TTC34: variants seen among roughly 807,000 people sequenced by gnomAD.
The protein encoded by TTC34 is tetratricopeptide repeat protein 34.
TTC34 carries 44 observed loss-of-function variants against 40.7 expected under a neutral mutation model. That is an observed-to-expected ratio of 1.08 (90% CI 0.85 to 1.39). The LOEUF (loss-of-function observed/expected upper bound fraction) is 1.39. Among genes scored for constraint, TTC34 ranks in the 40% most tolerant of loss-of-function variants. The probability of loss-of-function intolerance (pLI) is 0.00; values close to 1 mark genes in which losing one functional copy is unlikely to be tolerated. For missense variants in TTC34, 884 were observed against 838.0 expected, an observed-to-expected ratio of 1.05 and a Z score of -0.68; for synonymous variants, 422 against 398.6, an observed-to-expected ratio of 1.06 and a Z score of -0.70.
chr1:2,684,717 C>A (rs1286790661), intron 6 of TTC34, among the ~76,000 whole-genome samples: 8 of 110,850 alleles, frequency 7.2e-5, no homozygotes, highest in African/African-American at 1.8e-4. Flanking sequence ...GCAACCACAC[C>A]CCCAGGCGAG....
intron 6 of TTC34, among the ~76,000 whole-genome samples, chr1:2,771,511 G>A (rs1569785846): frequency 2.7e-5 from 2 of 74,934 alleles, no homozygotes; most frequent in East Asian, 4.4e-4. Flanking sequence ...ACAGCCTGGA[G>A]TAGCACGCAC....
chr1:2,749,607 C>G, intron 6 of TTC34, among the ~76,000 whole-genome samples: 1 of 95,850 alleles, frequency 1.0e-5, no homozygotes, highest in African/African-American at 5.5e-5. Flanking sequence ...CCCACACCCC[C>G]AGGTGTGCAT....
intron 6 of TTC34, among the ~76,000 whole-genome samples, chr1:2,751,290 C>T (rs1216376671): frequency 3.3e-5 from 2 of 60,700 alleles, no homozygotes; most frequent in South Asian, 6.1e-4. Flanking sequence ...CCCACACACC[C>T]AGGTGAGCAT....
At chr1:2,750,072 G>A (rs1641265484) in intron 6 of TTC34, among the ~76,000 whole-genome samples, 17 of 79,324 alleles carry the variant, frequency 2.1e-4, no homozygotes, top group East Asian at 5.2e-4. Context: ...ACAGCCTGGA[G>A]CAGCAGGCAC....
intron 6 of TTC34, among the ~76,000 whole-genome samples, chr1:2,772,985 C>T (rs1268560783): frequency 2.3e-3 from 37 of 16,072 alleles, no homozygotes; most frequent in Middle Eastern, 0.056. Flanking sequence ...CACCCCCAGG[C>T]GAGCATCTGA....
At chr1:2,641,942 A>T (rs901465820) in intron 8 of TTC34, 47 bp from the exon 9 acceptor site, 3 of 1,432,892 alleles carry the variant, frequency 2.1e-6, no homozygotes, top group Non-Finnish European at 2.7e-6. Flanking sequence ...GGTCAGCCCC[A>T]AAAGCCCGGC....
intron 6 of TTC34, among the ~76,000 whole-genome samples, chr1:2,699,859 A>G (rs1225303470): frequency 2.8e-3 from 73 of 26,138 alleles, no homozygotes; most frequent in South Asian, 5.8e-3. Context: ...ACACCCCTAG[A>G]TGAGCATCTG....
intron 6 of TTC34, among the ~76,000 whole-genome samples, chr1:2,687,117 C>A (rs560374996): frequency 2.9e-5 from 4 of 139,770 alleles, no homozygotes; most frequent in Non-Finnish European, 6.0e-5. Context: ...TGGAGTAGCA[C>A]CCCACACCCA....
exon 9 of TTC34, chr1:2,641,241 G>T: frequency 9.4e-7 from 1 of 1,062,630 alleles, no homozygotes; most frequent in Non-Finnish European, 1.3e-6. Flanking sequence ...GGGCTGGGAA[G>T]GGGGTGTGGA....
In TTC34 at chr1:2,688,467, A is replaced by T. The variant is rs1247940498; in HGVS notation, c.2227-42904T>A. 6.0e-5 allele frequency among the ~76,000 whole-genome samples: 8 copies of T among 133,940 alleles called. No homozygotes were observed. In the South Asian group the frequency reaches 1.9e-3, roughly 33 times the overall value. The allele number at this position is 133,940 out of a possible 152,430, so 87.9% of individuals were successfully genotyped here. Reference sequence around the variant, plus strand: ...ACCCACACCCCTAGGTGAACATCCGACATTGTGGAGCAGCACCCCACACCC... The same window carrying T: ...ACCCACACCCCTAGGTGAACATCCGTCATTGTGGAGCAGCACCCCACACCC... On this transcript the variant is annotated intron_variant, in intron 6 of 8. Coordinates refer to ENST00000401095, the Ensembl canonical transcript of TTC34.
intron 6 of TTC34, among the ~76,000 whole-genome samples, chr1:2,688,725 G>T (rs60041779): frequency 1.0e-4 from 3 of 28,850 alleles, no homozygotes; most frequent in African/African-American, 6.0e-4. Flanking sequence ...TGGAACAGCG[G>T]GCACACCCCC....
Position 2,778,648 on chromosome 1 carries a change from C to A in TTC34, c.2226+4961G>T, listed in dbSNP as rs950638278. Among the ~76,000 whole-genome samples the A allele has an allele frequency of 5.3e-5, 8 of 152,332 alleles. No individual in the cohort carries two copies. In the East Asian group the frequency reaches 1.5e-3, roughly 29 times the overall value. On this transcript the variant is annotated intron_variant, in intron 6 of 8. Transcript: ENST00000401095. ...GGGGGGAGACAGGCAGGGGAGGGGCCAGGCAACACCTGGGCATATCCCCAG... is the reference window on the plus strand; with the variant it reads ...GGGGGGAGACAGGCAGGGGAGGGGCAAGGCAACACCTGGGCATATCCCCAG...
intron 5 of TTC34, among the ~76,000 whole-genome samples, chr1:2,785,355 C>A (rs965811733): frequency 6.6e-6 from 1 of 151,932 alleles, no homozygotes; most frequent in Non-Finnish European, 1.5e-5. Context: ...AGACACCTGG[C>A]CCCCCAACCC....
intron 6 of TTC34, among the ~76,000 whole-genome samples, chr1:2,657,741 C>T (rs1294365030): frequency 3.0e-4 from 13 of 43,442 alleles, no homozygotes; most frequent in Middle Eastern, 0.014. Context: ...GCACCCACAC[C>T]CTCAGGTGAG....
intron 8 of TTC34, among the ~76,000 whole-genome samples, chr1:2,643,001 C>A (rs1001298056): frequency 2.0e-5 from 3 of 152,242 alleles, no homozygotes; most frequent in African/African-American, 7.2e-5. Flanking sequence ...GCACCTGACC[C>A]CGACCCGTAG....
intron 6 of TTC34, among the ~76,000 whole-genome samples, chr1:2,654,245 C>G (rs1570758359): frequency 0.015 from 1,628 of 107,948 alleles, no homozygotes; most frequent in East Asian, 0.043. Context: ...GAGCAGCACC[C>G]ACACCACCAG....
intron 6 of TTC34, among the ~76,000 whole-genome samples, chr1:2,751,318 AAC>A (rs1641311499): frequency 6.4e-5 from 4 of 62,896 alleles, no homozygotes; most frequent in Admixed American, 1.7e-4. Context: ...CGTGGAGCAG[AAC>A]AAACACCCCC....
intron 6 of TTC34, among the ~76,000 whole-genome samples, chr1:2,752,150 G>C (rs1261743782): frequency 8.8e-6 from 1 of 114,058 alleles, no homozygotes; most frequent in Non-Finnish European, 1.7e-5. Flanking sequence ...GCATGTGATG[G>C]TCTGGAGCAG....
At chr1:2,676,765 A>ACT (rs1289035804) in intron 6 of TTC34, among the ~76,000 whole-genome samples, 1 of 7,212 alleles carries the variant, frequency 1.4e-4, no homozygotes. Flanking sequence ...CAGAACCCAC[A>ACT]CCAACAGGCG....
Sources: gnomAD v4.1 joint callset for allele counts (sites outside exome capture counted in the v4.1 genomes callset) on GRCh38, gnomAD v4.1.1 for gene constraint, MANE v1.5 for transcripts, NCBI Gene and HGNC (gene_info 2026-07-23, HGNC 2026-07-21) for gene names.